The following CUX2 variants were observed in gnomAD, a reference collection of about 807,000 sequenced individuals.
CUX2 encodes the protein cut like homeobox 2.
CUX2 carries 40 observed loss-of-function variants against 144.8 expected under a neutral mutation model. The observed-to-expected ratio is 0.28, with a 90% CI of 0.21 to 0.36. CUX2 has a LOEUF of 0.36. Ranked by LOEUF, CUX2 falls within the 10% of genes least tolerant of loss-of-function variation. The pLI, the probability that CUX2 is intolerant of heterozygous loss-of-function variation, is 1.00. For missense variants in CUX2, 1,615 were observed against 1,994.0 expected (o/e 0.81, Z 3.62); for synonymous variants, 827 against 875.6 (o/e 0.94, Z 0.98).
Position 111,092,940 on chromosome 12 carries a change from C to T in CUX2, c.63+58700C>T, listed in dbSNP as rs141090581. ...AATGATCCTCCCCACCTCATCCTCC[C>T]GAGTAGCTGGAACCACAGGTACATG... On this transcript the variant is annotated intron_variant, in intron 1 of 21. Coordinates refer to ENST00000261726, the MANE Select transcript of CUX2 (RefSeq NM_015267.4). Among the ~76,000 whole-genome samples, 23 of 151,832 alleles carry T rather than the reference C, an allele frequency of 1.5e-4. No individual in the cohort carries two copies. In the East Asian group the frequency reaches 4.1e-3, roughly 27 times the overall value.
intron 1 of CUX2, among the ~76,000 whole-genome samples, chr12:111,121,279 A>G (rs761320157): frequency 1.9e-4 from 29 of 151,588 alleles, no homozygotes; most frequent in African/African-American, 7.3e-5. Flanking sequence ...CAAATTTTAG[A>G]TGCATTAAAC....
At chr12:111,264,111 G>A (rs182781485) in intron 4 of CUX2, among the ~76,000 whole-genome samples, 2 of 152,212 alleles carry the variant, frequency 1.3e-5, no homozygotes, top group Admixed American at 1.3e-4. Context: ...ACCTACTTGG[G>A]GAGCTGAAAT....
chr12:111,319,714 A>G (rs1358997744), intron 16 of CUX2, among the ~76,000 whole-genome samples: 1 of 152,232 alleles, frequency 6.6e-6, no homozygotes, highest in Non-Finnish European at 1.5e-5. Flanking sequence ...CCTGAGCACC[A>G]GAGTGAGACT....
intron 1 of CUX2, among the ~76,000 whole-genome samples, chr12:111,079,137 A>G (rs1240140490): frequency 1.3e-5 from 2 of 152,204 alleles, no homozygotes; most frequent in Non-Finnish European, 1.5e-5. Context: ...CCTTTTACAA[A>G]CTGGTGGCCT....
Position 111,348,297 on chromosome 12 carries a change from G to T in CUX2, c.4433G>T (p.Arg1478Leu). 6 of 1,612,648 alleles carry T rather than the reference G, an allele frequency of 3.7e-6. No homozygotes were observed. Among genetic ancestry groups the T allele is most frequent in the Non-Finnish European group, 5.1e-6 (6 of 1,179,482 alleles). ...IIYRVERAAN[R>L]EEALEWEF Reference sequence around the variant, plus strand: ...TACCGAGTAGAGCGGGCTGCCAATCGGGAGGAGGCCCTGGAGTGGGAGTTC... The same window carrying T: ...TACCGAGTAGAGCGGGCTGCCAATCTGGAGGAGGCCCTGGAGTGGGAGTTC... Residue 1478 changes from arginine to leucine, a missense_variant, in exon 22 of 22, where the codon CGG becomes CTG. Coordinates refer to ENST00000261726, the MANE Select transcript of CUX2 (RefSeq NM_015267.4).
Position 111,293,436 on chromosome 12 carries a change from C to A in CUX2, c.437-10C>A. The A allele has an allele frequency of 6.2e-7, 1 of 1,600,370 alleles. No individual in the cohort carries two copies. Among genetic ancestry groups the A allele is most frequent in the Non-Finnish European group, 8.5e-7 (1 of 1,175,022 alleles). ...GGCAATGGGGGTTTTCCCTCTTTTT[C>A]TCCCTGCAGAGCAGAGAGAGGGGAC... On this transcript the variant is annotated splice_polypyrimidine_tract_variant and intron_variant, in intron 5 of 21. Transcript: ENST00000261726. This position sits in a 1 kb window ranked among gnomAD's most constrained non-coding sequence, Gnocchi z 4.5.
At chr12:111,092,767 T>C (rs1272564193) in intron 1 of CUX2, among the ~76,000 whole-genome samples, 1 of 151,182 alleles carries the variant, frequency 6.6e-6, no homozygotes, top group Admixed American at 6.6e-5. Flanking sequence ...TAGTAATCCA[T>C]ATTTATTTTC....
rs115457263 is a variant in CUX2 at position 111,330,456 on chromosome 12, A to G, written c.2927-3985A>G. 1.6e-3 allele frequency among the ~76,000 whole-genome samples: 241 copies of G among 151,508 alleles called. 1 individual carries two copies. The highest frequency in any genetic ancestry group is 5.5e-3 in the African/African-American group (226 of 41,338). On this transcript the variant is annotated intron_variant, in intron 18 of 21. Transcript: ENST00000261726. ...TGTGTGATCTTGGACACGTTGTCTA[A>G]CCTCTCTGAACCTCGGTTTCCTCAC...
chr12:111,075,026 C>G (rs1678067218), intron 1 of CUX2, among the ~76,000 whole-genome samples: 1 of 152,208 alleles, frequency 6.6e-6, no homozygotes, highest in Non-Finnish European at 1.5e-5. Flanking sequence ...CAGGCCTTCT[C>G]TGGACCAGGC....
chr12:111,086,232 A>G (rs1566208986), intron 1 of CUX2, among the ~76,000 whole-genome samples: 1 of 152,234 alleles, frequency 6.6e-6, no homozygotes, highest in Non-Finnish European at 1.5e-5. Flanking sequence ...ATATCATGGT[A>G]GTATCACAGA....
At chr12:111,050,222 C>T (rs145590040) in intron 1 of CUX2, among the ~76,000 whole-genome samples, 6 of 151,992 alleles carry the variant, frequency 3.9e-5, no homozygotes, top group East Asian at 1.9e-4. Context: ...TACCTCTTGC[C>T]GCCACTTCCC....
chr12:111,157,955 A>G (rs537302168), intron 1 of CUX2, among the ~76,000 whole-genome samples: 5 of 152,298 alleles, frequency 3.3e-5, no homozygotes, highest in African/African-American at 1.2e-4. Context: ...TGTTGTCTCC[A>G]CCTGAAATTG....
At chr12:111,168,619 GA>G (rs1417036253) in intron 1 of CUX2, among the ~76,000 whole-genome samples, 1 of 152,230 alleles carries the variant, frequency 6.6e-6, no homozygotes, top group African/African-American at 2.4e-5. Flanking sequence ...CATCACAGGG[GA>G]GAGTCGCATT....
chr12:111,143,316 G>T (rs1876454138), intron 1 of CUX2, among the ~76,000 whole-genome samples: 2 of 152,088 alleles, frequency 1.3e-5, no homozygotes, highest in South Asian at 4.1e-4. Flanking sequence ...TCTAATTTCT[G>T]CCTCCAAGTA....
In CUX2 at chr12:111,322,918, G is replaced by A. The variant is rs73199866; in HGVS notation, c.2926+338G>A. ...AGTCCCACATCTGGAATTGCTCATC[G>A]ATCTCAGCTCTGTTTCCTGAAGACC... is the stretch of plus-strand genomic sequence containing the variant. On this transcript the variant is annotated intron_variant, in intron 18 of 21. Transcript: ENST00000261726. This position sits in a 1 kb window ranked among gnomAD's most constrained non-coding sequence, Gnocchi z 4.2. Among the ~76,000 whole-genome samples, 7,416 of 152,264 alleles carry A rather than the reference G, an allele frequency of 0.049. 194 individuals are homozygous for A. The highest frequency in any genetic ancestry group is 0.09 in the South Asian group (432 of 4,824).
At chr12:111,231,187 T>C (rs1181747125) in intron 3 of CUX2, among the ~76,000 whole-genome samples, 1 of 151,988 alleles carries the variant, frequency 6.6e-6, no homozygotes, top group Non-Finnish European at 1.5e-5. Context: ...CTTCCACCCA[T>C]TGAATACTAA....
At chr12:111,334,079 T>C (rs1162756825) in intron 18 of CUX2, among the ~76,000 whole-genome samples, 1 of 147,110 alleles carries the variant, frequency 6.8e-6, no homozygotes, top group Non-Finnish European at 1.5e-5. Context: ...CCCAGCTACT[T>C]GGGAGGCTGA....
intron 1 of CUX2, among the ~76,000 whole-genome samples, chr12:111,162,943 G>A (rs1877874989): frequency 6.6e-6 from 1 of 152,066 alleles, no homozygotes; most frequent in East Asian, 1.9e-4. Flanking sequence ...CTGCTCGGGA[G>A]GCTGAGGCAG....
At chr12:111,141,371 C>T (rs1876307088) in intron 1 of CUX2, among the ~76,000 whole-genome samples, 1 of 152,146 alleles carries the variant, frequency 6.6e-6, no homozygotes, top group Non-Finnish European at 1.5e-5. Context: ...TATTTCCTGT[C>T]TCCAAACCTC....
Sources: gnomAD v4.1 joint callset for allele counts (sites outside exome capture counted in the v4.1 genomes callset) on GRCh38, gnomAD v4.1.1 for gene constraint, Gnocchi (gnomAD v3.1) non-coding constraint, MANE v1.5 for transcripts, NCBI Gene and HGNC (gene_info 2026-07-23, HGNC 2026-07-21) for gene names.